Variants in SLC14A2 observed in about 807,000 individuals in gnomAD.
SLC14A2 encodes the protein solute carrier family 14 member 2, also known as urea transporter 2.
In SLC14A2, 91 loss-of-function variants were observed where a neutral mutation model predicts 104.6. The observed-to-expected ratio is 0.87, with a 90% CI of 0.73 to 1.04. The LOEUF is 1.04. Ranked by LOEUF, SLC14A2 falls within the 50% of genes least tolerant of loss-of-function variation. The pLI is 0.00. For synonymous variants in SLC14A2, 476 were observed against 466.4 expected (o/e 1.02, Z -0.27); for missense variants, 1,189 against 1,156.0 (o/e 1.03, Z -0.41).
At chr18:45,560,273 T>C (rs2044184245) in intron 2 of SLC14A2, among the ~76,000 whole-genome samples, 1 of 152,182 alleles carries the variant, frequency 6.6e-6, no homozygotes, top group Non-Finnish European at 1.5e-5. Flanking sequence ...ATAAGGAACC[T>C]GAGTCTTAGA....
intron 2 of SLC14A2, among the ~76,000 whole-genome samples, chr18:45,515,795 A>G (rs1472887437): frequency 6.6e-6 from 1 of 152,236 alleles, no homozygotes; most frequent in Non-Finnish European, 1.5e-5. Context: ...TACTTCAGAA[A>G]ACCATGCATC....
chr18:45,276,645 G>A (rs1427075515), intron 1 of SLC14A2, among the ~76,000 whole-genome samples: 1 of 152,170 alleles, frequency 6.6e-6, no homozygotes, highest in African/African-American at 2.4e-5. Flanking sequence ...TGTTAACATT[G>A]AGTTAGAATA....
chr18:45,174,018 A>G, the SLC14A2 span, among the ~76,000 whole-genome samples: 1 of 152,098 alleles, frequency 6.6e-6, no homozygotes, highest in Non-Finnish European at 1.5e-5. Context: ...TTCACTTTAA[A>G]CGGTATTATG....
intron 1 of SLC14A2, among the ~76,000 whole-genome samples, chr18:45,428,431 CAAAA>C (rs1264824512): frequency 6.6e-6 from 1 of 151,984 alleles, no homozygotes; most frequent in African/African-American, 2.4e-5. Context: ...AGGATTGTAA[CAAAA>C]AAACACTGTG....
chr18:45,534,862 C>T (rs969264722), intron 2 of SLC14A2, among the ~76,000 whole-genome samples: 1 of 152,156 alleles, frequency 6.6e-6, no homozygotes, highest in Non-Finnish European at 1.5e-5. Context: ...GCCCTATGTG[C>T]CATTGACTGC....
rs577586912 is a variant in SLC14A2 at position 45,257,607 on chromosome 18, G to T, written c.-125+44416G>T. 2.0e-5 allele frequency among the ~76,000 whole-genome samples: 3 copies of T among 152,202 alleles called. No homozygotes were observed. The South Asian group carries it at 6.3e-4, about 32-fold the overall frequency. ...AATATGGTTAATATTGTTTCCAATT[G>T]ATTTCTTTATTTCTATGTAGCTCTT... is the stretch of plus-strand genomic sequence containing the variant. On this transcript the variant is annotated intron_variant, in intron 1 of 20. Coordinates refer to the SLC14A2 transcript ENST00000586448.
chr18:45,224,241 G>C (rs2084091931), intron 1 of SLC14A2, among the ~76,000 whole-genome samples: 1 of 152,202 alleles, frequency 6.6e-6, no homozygotes, highest in African/African-American at 2.4e-5. Flanking sequence ...TAGGCTGCTG[G>C]GAGGCAGAGA....
At chr18:45,516,862 C>A (rs1364767305) in intron 2 of SLC14A2, among the ~76,000 whole-genome samples, 1 of 152,230 alleles carries the variant, frequency 6.6e-6, no homozygotes, top group African/African-American at 2.4e-5. Context: ...AGGAGACACA[C>A]TGCTCTGTGA....
At chr18:45,204,320 G>A in the SLC14A2 span, among the ~76,000 whole-genome samples, 8 of 152,182 alleles carry the variant, frequency 5.3e-5, no homozygotes, top group African/African-American at 1.9e-4. Context: ...AGCCACTTAG[G>A]TGTACTGAAT....
rs543417835 is a variant in SLC14A2 at position 45,268,441 on chromosome 18, C to T, written c.-125+55250C>T. Among the ~76,000 whole-genome samples, 144 of 152,292 alleles carry T rather than the reference C, an allele frequency of 9.5e-4. 5 individuals carry two copies. In the South Asian group the frequency reaches 0.023, roughly 24 times the overall value. On this transcript the variant is annotated intron_variant, in intron 1 of 20. Transcript: ENST00000586448. ...TCTAATACAGGATAAATAAATGGTACGATATGATCTATGCAACCACCTTGA... is the reference window on the plus strand; with the variant it reads ...TCTAATACAGGATAAATAAATGGTATGATATGATCTATGCAACCACCTTGA...
chr18:45,312,319 T>A (rs1233597557), intron 1 of SLC14A2, among the ~76,000 whole-genome samples: 1 of 152,126 alleles, frequency 6.6e-6, no homozygotes, highest in African/African-American at 2.4e-5. Flanking sequence ...TCAGCTAAGA[T>A]TTCGAGATTT....
chr18:45,446,128 C>T (rs2086765424), intron 1 of SLC14A2, among the ~76,000 whole-genome samples: 2 of 152,176 alleles, frequency 1.3e-5, no homozygotes, highest in African/African-American at 4.8e-5. Flanking sequence ...GTAAGTGAAA[C>T]CCCTGGCACA....
chr18:45,591,395 G>GT (rs1420562175), intron 2 of SLC14A2, among the ~76,000 whole-genome samples: 2 of 152,146 alleles, frequency 1.3e-5, no homozygotes, highest in Non-Finnish European at 2.9e-5. Context: ...GAGTGCAGTG[G>GT]TGCGATCTCA....
At chr18:45,406,762 T>A (rs1435139313) in intron 1 of SLC14A2, among the ~76,000 whole-genome samples, 1 of 152,186 alleles carries the variant, frequency 6.6e-6, no homozygotes, top group African/African-American at 2.4e-5. Flanking sequence ...TCCTTGTACA[T>A]CTCCATCAGA....
intron 1 of SLC14A2, among the ~76,000 whole-genome samples, chr18:45,477,686 G>A (rs1422364439): frequency 1.3e-5 from 2 of 152,210 alleles, no homozygotes; most frequent in Non-Finnish European, 2.9e-5. Context: ...CCTGCCCAGG[G>A]AGGAGGAATT....
chr18:45,539,572 C>T (rs1266533207), intron 2 of SLC14A2, among the ~76,000 whole-genome samples: 2 of 152,148 alleles, frequency 1.3e-5, no homozygotes, highest in Non-Finnish European at 2.9e-5. Flanking sequence ...AGCCAGGCAA[C>T]CCCATGGAGC....
At chr18:45,211,405 A>G (rs899489738), upstream of SLC14A2, among the ~76,000 whole-genome samples, 4 of 152,228 alleles carry the variant, frequency 2.6e-5, no homozygotes, top group African/African-American at 9.6e-5. Context: ...TGAAAAATAG[A>G]ATGATCTGCA....
At chr18:45,651,981 A>G (rs575586416) in intron 10 of SLC14A2, among the ~76,000 whole-genome samples, 11 of 152,136 alleles carry the variant, frequency 7.2e-5, no homozygotes, top group Admixed American at 3.3e-4. Flanking sequence ...TTTCTGGTCA[A>G]CCCTCTAAGA....
chr18:45,533,896 C>A (rs1352764576), intron 2 of SLC14A2, among the ~76,000 whole-genome samples: 1 of 151,950 alleles, frequency 6.6e-6, no homozygotes, highest in South Asian at 2.1e-4. Flanking sequence ...CTGGTATCAC[C>A]TTTTCTAATG....
Sources: allele counts gnomAD v4.1 joint callset (sites outside exome capture counted in the v4.1 genomes callset), GRCh38; gene constraint gnomAD v4.1.1; transcripts MANE v1.5; gene names NCBI Gene and HGNC (gene_info 2026-07-23, HGNC 2026-07-21).